Variants in DENND6A observed in about 807,000 individuals in gnomAD.
DENND6A encodes the protein protein DENND6A.
In DENND6A, 43 loss-of-function variants were observed where a neutral mutation model predicts 95.5. The observed-to-expected ratio is 0.45, with a 90% CI of 0.35 to 0.58. The LOEUF is 0.58. DENND6A is among the 20% of genes least tolerant of loss of function. The probability of loss-of-function intolerance (pLI) is 0.00; values close to 1 mark genes in which losing one functional copy is unlikely to be tolerated. For synonymous variants in DENND6A, 257 were observed against 260.4 expected (o/e 0.99, Z 0.13); for missense variants, 574 against 736.0 (o/e 0.78, Z 2.55).
rs2071065156 is a variant in DENND6A at position 57,645,740 on chromosome 3, T to A, written c.958A>T (p.Lys320Ter). 1 of 1,612,780 alleles carries A rather than the reference T, an allele frequency of 6.2e-7. No homozygotes were observed. The change falls in exon 11 of 20, where the codon AAG (lysine) becomes TAG (stop). Residue 320 changes from lysine to a stop codon, truncating the protein, a stop_gained. Coordinates refer to ENST00000311128, the MANE Select transcript of DENND6A (RefSeq NM_152678.3). LOFTEE classifies it high-confidence loss of function. ...TAAGGTCGGAAATCACTGAAGTACT[T>A]TAATGGAGAAATACAGCTGTGGAGC... Reference protein sequence around the residue: ...LALVNCISPLKYFSDFRPYFT... With the variant: ...LALVNCISPL
intron 11 of DENND6A, among the ~76,000 whole-genome samples, chr3:57,642,870 G>C (rs565624658): frequency 3.0e-4 from 45 of 152,132 alleles, no homozygotes; most frequent in Admixed American, 4.6e-4. Flanking sequence ...GCCAGGTGTG[G>C]TGGCAGGCGC....
chr3:57,685,859 T>C (rs374925581), intron 1 of DENND6A, among the ~76,000 whole-genome samples: 9 of 152,262 alleles, frequency 5.9e-5, no homozygotes, highest in African/African-American at 2.2e-4. Context: ...TTTGAAAACA[T>C]CCTATAAATC....
At chr3:57,639,875 C>T (rs112937445) in intron 12 of DENND6A, among the ~76,000 whole-genome samples, 1,583 of 151,828 alleles carry the variant, frequency 0.01, 18 homozygotes, top group African/African-American at 0.036. Flanking sequence ...TCTAATACTT[C>T]CATTTAGATA....
rs367954705 is a variant in DENND6A at position 57,627,424 on chromosome 3, G to C, written c.*790C>G. Reference sequence around the variant, plus strand: ...CTCCCAAAGTGCTAGGATTACAGGCGTGAGCCACCACACCCAGCCTAATGT... The same window carrying C: ...CTCCCAAAGTGCTAGGATTACAGGCCTGAGCCACCACACCCAGCCTAATGT... On this transcript the variant is annotated 3_prime_UTR_variant, in exon 20 of 20. Transcript: ENST00000311128. 6.6e-6 allele frequency: 1 copy of C among 152,148 alleles called. No homozygotes were observed. Among genetic ancestry groups the C allele is most frequent in the Non-Finnish European group, 1.5e-5 (1 of 68,062 alleles). 9.4% of individuals were successfully genotyped at this position (152,148 alleles called of 1,614,324 possible). A position where few individuals can be genotyped will look rare whatever the true frequency, so the allele number is the denominator to read the frequency against.
chr3:57,644,236 G>C (rs2071016804), intron 11 of DENND6A, among the ~76,000 whole-genome samples: 1 of 151,870 alleles, frequency 6.6e-6, no homozygotes, highest in Non-Finnish European at 1.5e-5. Flanking sequence ...GATTCGTAGA[G>C]AAAAGAAGTC....
intron 5 of DENND6A, 144 bp from the exon 6 acceptor site, chr3:57,661,695 A>G (rs2071426650): frequency 1.6e-6 from 1 of 618,746 alleles, no homozygotes; most frequent in Middle Eastern, 2.9e-4. Flanking sequence ...AAGGAAACAA[A>G]ACCATAGCTG....
intron 1 of DENND6A, among the ~76,000 whole-genome samples, chr3:57,673,243 GA>G (rs111548640): frequency 0.034 from 4,044 of 118,598 alleles, 60 homozygotes; most frequent in Middle Eastern, 0.047. Context: ...GAAAGAAAAA[GA>G]AAAAAAAAAA....
At chr3:57,670,984 T>C (rs915613967) in intron 3 of DENND6A, among the ~76,000 whole-genome samples, 2 of 152,192 alleles carry the variant, frequency 1.3e-5, no homozygotes, top group Non-Finnish European at 2.9e-5. Context: ...CATCATTATT[T>C]CATAAATGGG....
chr3:57,637,353 C>T (rs1241952747), intron 12 of DENND6A, among the ~76,000 whole-genome samples: 2 of 152,164 alleles, frequency 1.3e-5, no homozygotes, highest in African/African-American at 4.8e-5. Flanking sequence ...AAACTAGGTA[C>T]AATCCAGAAA....
intron 9 of DENND6A, among the ~76,000 whole-genome samples, chr3:57,648,145 A>G (rs1166790364): frequency 6.6e-6 from 1 of 152,242 alleles, no homozygotes; most frequent in Non-Finnish European, 1.5e-5. Flanking sequence ...TAGAACTGGT[A>G]AATGAATTCA....
intron 1 of DENND6A, among the ~76,000 whole-genome samples, chr3:57,682,676 T>G (rs764126324): frequency 6.6e-6 from 1 of 152,036 alleles, no homozygotes; most frequent in Non-Finnish European, 1.5e-5. Context: ...ATGGTTTTTT[T>G]TGTTTTGTTT....
chr3:57,653,296 GC>G (rs1157344686), intron 9 of DENND6A, among the ~76,000 whole-genome samples: 1 of 152,118 alleles, frequency 6.6e-6, no homozygotes, highest in Non-Finnish European at 1.5e-5. Context: ...TATATTATTA[GC>G]AAAGGGCACA....
chr3:57,687,391 C>T (rs992638359), intron 1 of DENND6A, among the ~76,000 whole-genome samples: 2 of 152,136 alleles, frequency 1.3e-5, no homozygotes, highest in African/African-American at 4.8e-5. Flanking sequence ...AAGTTGGAAG[C>T]TAGCAGGAGT....
At chr3:57,641,428 T>G (rs2070933916) in intron 12 of DENND6A, among the ~76,000 whole-genome samples, 1 of 148,086 alleles carries the variant, frequency 6.8e-6, no homozygotes, top group Non-Finnish European at 1.5e-5. Flanking sequence ...TATTATTCTA[T>G]AATAATATAA....
chr3:57,662,472 G>C (rs1350612827), intron 5 of DENND6A, among the ~76,000 whole-genome samples: 1 of 151,494 alleles, frequency 6.6e-6, no homozygotes, highest in Non-Finnish European at 1.5e-5. Context: ...CGAAGTGTTG[G>C]GATTACAAGT....
chr3:57,640,810 A>G (rs551946027), intron 12 of DENND6A, among the ~76,000 whole-genome samples: 3 of 152,146 alleles, frequency 2.0e-5, no homozygotes, highest in Non-Finnish European at 4.4e-5. Context: ...AAATTTTCTC[A>G]TATCTTCTCA....
At position 57,672,244 on chromosome 3, in the gene DENND6A, A is replaced by G; in HGVS notation, c.319+12T>C. ...TAAAATTAAACAGAAACACTGTATGAAAAACAGTTACCTGAATTTGAATCT... is the reference window on the plus strand; with the variant it reads ...TAAAATTAAACAGAAACACTGTATGGAAAACAGTTACCTGAATTTGAATCT... On this transcript the variant is annotated intron_variant, in intron 3 of 19. Transcript: ENST00000311128. 6.2e-7 allele frequency: 1 copy of G among 1,602,980 alleles called. No homozygotes were observed. The highest frequency in any genetic ancestry group is 1.7e-5 in the Admixed American group (1 of 58,372).
chr3:57,637,718 T>G (rs1328317190), intron 12 of DENND6A, among the ~76,000 whole-genome samples: 1 of 137,230 alleles, frequency 7.3e-6, no homozygotes, highest in Non-Finnish European at 1.5e-5. Context: ...ATTTCATGAC[T>G]ATGACACCAA....
chr3:57,682,556 T>A (rs1162046920), intron 1 of DENND6A, among the ~76,000 whole-genome samples: 3 of 152,216 alleles, frequency 2.0e-5, no homozygotes, highest in Admixed American at 2.0e-4. Context: ...ATATTGTGTA[T>A]AATTTCTTAA....
Sources: allele counts gnomAD v4.1 joint callset (sites outside exome capture counted in the v4.1 genomes callset), GRCh38; gene constraint gnomAD v4.1.1; transcripts MANE v1.5; gene names NCBI Gene and HGNC (gene_info 2026-07-23, HGNC 2026-07-21).